SGCD: variants seen among roughly 807,000 people sequenced by gnomAD.
SGCD encodes the protein sarcoglycan delta.
SGCD carries 18 observed loss-of-function variants against 36.6 expected under a neutral mutation model. The ratio of observed to expected loss-of-function variants is 0.49; its 90% CI spans 0.34 to 0.73. The LOEUF (loss-of-function observed/expected upper bound fraction) is 0.73. Ranked by LOEUF, SGCD falls within the 30% of genes least tolerant of loss-of-function variation. The pLI is 0.01. For synonymous variants in SGCD, 133 were observed against 130.6 expected (o/e 1.02, Z -0.12); for missense variants, 387 against 346.7 (o/e 1.12, Z -0.92).
intron 3 of SGCD, among the ~76,000 whole-genome samples, chr5:156,308,385 G>A (rs561317375): frequency 7.3e-5 from 11 of 151,066 alleles, no homozygotes; most frequent in Admixed American, 5.3e-4. Flanking sequence ...TGAAAGCTCC[G>A]CCTCCCGGGT....
intron 6 of SGCD, among the ~76,000 whole-genome samples, chr5:156,634,762 C>T (rs969950105): frequency 2.6e-5 from 4 of 152,062 alleles, no homozygotes; most frequent in Admixed American, 6.6e-5. Flanking sequence ...AGTACATTTT[C>T]CTTTATGGAA....
intron 6 of SGCD, among the ~76,000 whole-genome samples, chr5:156,639,029 A>G (rs1428564220): frequency 1.3e-5 from 2 of 151,446 alleles, no homozygotes; most frequent in Non-Finnish European, 2.9e-5. Context: ...TGTCTTCATC[A>G]CTATCTTTTA....
the SGCD span, among the ~76,000 whole-genome samples, chr5:155,840,802 A>T: frequency 6.6e-6 from 1 of 151,676 alleles, no homozygotes; most frequent in Non-Finnish European, 1.5e-5. Context: ...ACCTGAGGTC[A>T]GGAGTTCAAG....
intron 1 of SGCD, among the ~76,000 whole-genome samples, chr5:155,986,118 A>G (rs996765981): frequency 3.3e-5 from 5 of 152,132 alleles, no homozygotes; most frequent in Non-Finnish European, 7.4e-5. Flanking sequence ...TAATTAGTTC[A>G]CTCATTCATC....
chr5:156,568,990 T>C lies in SGCD; in HGVS notation c.295-20241T>C. On this transcript the variant is annotated intron_variant, in intron 4 of 8. Transcript: ENST00000337851. ...GCCATACAGTAGTCACCATCTTGGTTTTCACCTTTTTCAATATCTTTCTTT... is the reference window on the plus strand; with the variant it reads ...GCCATACAGTAGTCACCATCTTGGTCTTCACCTTTTTCAATATCTTTCTTT... Among the ~76,000 whole-genome samples, 2 of 152,162 alleles carry C rather than the reference T, an allele frequency of 1.3e-5. 1 individual carries two copies. Among genetic ancestry groups the C allele is most frequent in the Non-Finnish European group, 2.9e-5 (2 of 68,026 alleles).
the SGCD span, among the ~76,000 whole-genome samples, chr5:155,741,383 A>T: frequency 1.3e-5 from 2 of 152,078 alleles, no homozygotes; most frequent in Non-Finnish European, 2.9e-5. Flanking sequence ...TTTCCCTGTA[A>T]GAGAGAGTTT....
chr5:156,124,470 G>A (rs1204077919), intron 3 of SGCD, among the ~76,000 whole-genome samples: 2 of 152,080 alleles, frequency 1.3e-5, no homozygotes, highest in East Asian at 3.9e-4. Context: ...GTCTTTAGGG[G>A]AGTTGTCTTT....
chr5:156,207,967 A>G (rs1269422006), intron 3 of SGCD, among the ~76,000 whole-genome samples: 1 of 152,190 alleles, frequency 6.6e-6, no homozygotes, highest in South Asian at 2.1e-4. Context: ...AGAACCCTTT[A>G]TGTAAAACCA....
intron 3 of SGCD, among the ~76,000 whole-genome samples, chr5:156,248,942 G>A (rs1765507317): frequency 6.6e-6 from 1 of 152,196 alleles, no homozygotes; most frequent in African/African-American, 2.4e-5. Context: ...GAATACAGTT[G>A]TTGCTCACCA....
intron 3 of SGCD, among the ~76,000 whole-genome samples, chr5:156,406,361 C>T (rs141919783): frequency 1.3e-4 from 20 of 152,232 alleles, no homozygotes; most frequent in Middle Eastern, 3.4e-3. Context: ...CATCCTCATT[C>T]CTGCAGCCAT....
intron 1 of SGCD, among the ~76,000 whole-genome samples, chr5:156,075,525 C>T (rs189062759): frequency 4.2e-4 from 64 of 152,178 alleles, no homozygotes; most frequent in Non-Finnish European, 7.9e-4. Context: ...GGCCCAGGAA[C>T]ATCAGGATTT....
chr5:156,505,368 C>A (rs967931082), intron 3 of SGCD, among the ~76,000 whole-genome samples: 1 of 152,206 alleles, frequency 6.6e-6, no homozygotes, highest in Non-Finnish European at 1.5e-5. Flanking sequence ...GATCCACAGG[C>A]TGAAGTGCAT....
At chr5:156,373,369 G>T (rs984303608) in intron 3 of SGCD, among the ~76,000 whole-genome samples, 1 of 151,994 alleles carries the variant, frequency 6.6e-6, no homozygotes, top group African/African-American at 2.4e-5. Context: ...TCCCTCTTTG[G>T]TATCTCCTAT....
intron 3 of SGCD, among the ~76,000 whole-genome samples, chr5:156,223,889 A>G (rs915610051): frequency 6.6e-6 from 1 of 152,006 alleles, no homozygotes; most frequent in African/African-American, 2.4e-5. Flanking sequence ...TTCTAAGTAA[A>G]TGAACATATG....
chr5:156,216,267 A>C (rs752188626), intron 3 of SGCD, among the ~76,000 whole-genome samples: 28 of 152,240 alleles, frequency 1.8e-4, no homozygotes, highest in African/African-American at 6.8e-4. Context: ...AAGTTACTAC[A>C]GTTAATAACA....
chr5:156,607,240 G>A (rs1761510572), intron 6 of SGCD, among the ~76,000 whole-genome samples: 1 of 152,176 alleles, frequency 6.6e-6, no homozygotes, highest in Non-Finnish European at 1.5e-5. Flanking sequence ...AGTTTATTGA[G>A]AGTTTTTAGC....
chr5:156,070,796 C>T (rs1760526029), intron 1 of SGCD, among the ~76,000 whole-genome samples: 1 of 152,142 alleles, frequency 6.6e-6, no homozygotes, highest in Admixed American at 6.5e-5. Flanking sequence ...TTGATTATTG[C>T]CACAATTTCA....
At chr5:155,868,061 T>C (rs140799166), upstream of SGCD, among the ~76,000 whole-genome samples, 1 of 152,024 alleles carries the variant, frequency 6.6e-6, no homozygotes, top group Non-Finnish European at 1.5e-5. Flanking sequence ...ATGATCTTTT[T>C]TTTTTTTCGA....
In SGCD at chr5:156,236,608, C is replaced by T. The variant is rs182445378; in HGVS notation, c.-43-92926C>T. ...GGGACTACAGGCACCTGCCACCACG[C>T]CCAGCTAATTTTTGTATTTTTAGTA... On this transcript the variant is annotated intron_variant, in intron 3 of 9. Transcript: ENST00000517913. Among the ~76,000 whole-genome samples, 1,084 of 151,932 alleles carry T rather than the reference C, an allele frequency of 7.1e-3. 9 individuals carry two copies. The highest frequency in any genetic ancestry group is 0.012 in the Non-Finnish European group (813 of 67,956).
Sources: allele counts gnomAD v4.1 joint callset (sites outside exome capture counted in the v4.1 genomes callset), GRCh38; gene constraint gnomAD v4.1.1; transcripts MANE v1.5; gene names NCBI Gene and HGNC (gene_info 2026-07-23, HGNC 2026-07-21).